GSE1: variants seen among roughly 807,000 people sequenced by gnomAD.
GSE1 encodes Gse1 coiled-coil protein, also known as genetic suppressor element 1.
GSE1 carries 32 observed loss-of-function variants against 112.6 expected under a neutral mutation model. The observed-to-expected ratio is 0.28, with a 90% CI of 0.21 to 0.38. The LOEUF (loss-of-function observed/expected upper bound fraction) is 0.38. Ranked by LOEUF, GSE1 falls within the 10% of genes least tolerant of loss-of-function variation. GSE1 has a pLI of 1.00. For synonymous variants in GSE1, 1,115 were observed against 735.6 expected, an observed-to-expected ratio of 1.52 and a Z score of -8.35; for missense variants, 2,348 against 1,699.2, an observed-to-expected ratio of 1.38 and a Z score of -6.71.
intron 1 of GSE1, among the ~76,000 whole-genome samples, chr16:85,252,034 C>T (rs553124407): frequency 2.6e-5 from 4 of 152,316 alleles, no homozygotes; most frequent in Admixed American, 6.5e-5. Context: ...GATCGGCACA[C>T]GCTAATAGAT....
intron 2 of GSE1, among the ~76,000 whole-genome samples, chr16:85,391,789 G>A (rs2047843891): frequency 6.6e-6 from 1 of 152,030 alleles, no homozygotes. Flanking sequence ...ATGCTTGTGG[G>A]GCCTCACTGG....
At chr16:85,237,394 G>A (rs1344674827) in intron 1 of GSE1, among the ~76,000 whole-genome samples, 1 of 152,184 alleles carries the variant, frequency 6.6e-6, no homozygotes, top group African/African-American at 2.4e-5. Flanking sequence ...TAGAGGAGGT[G>A]TGAGCTGAGC....
chr16:85,429,697 C>T (rs1343265665), intron 2 of GSE1, among the ~76,000 whole-genome samples: 1 of 151,958 alleles, frequency 6.6e-6, no homozygotes, highest in Non-Finnish European at 1.5e-5. Context: ...AGACCTGCCC[C>T]AGGGCCTTTG....
intron 1 of GSE1, among the ~76,000 whole-genome samples, chr16:85,183,717 G>GC (rs1448674473): frequency 6.6e-6 from 1 of 152,204 alleles, no homozygotes; most frequent in East Asian, 1.9e-4. Context: ...CTACGTGGAT[G>GC]CCCCCCTTTA....
chr16:85,322,931 A>G lies in GSE1; in HGVS notation c.2284-34532A>G, dbSNP rs554903539. On this transcript the variant is annotated intron_variant, in intron 1 of 2. Coordinates refer to the GSE1 transcript ENST00000637419. ...ACGCCCAGCCTCCGTTTTGCTTTTG[A>G]GGAAACTGAGGCTCAGACGACTTCG... is the stretch of plus-strand genomic sequence containing the variant. 2.6e-5 allele frequency among the ~76,000 whole-genome samples: 4 copies of G among 152,244 alleles called. No individual in the cohort carries two copies. The South Asian group carries it at 8.3e-4, about 32-fold the overall frequency.
At chr16:85,328,906 G>A (rs2046281807) in intron 1 of GSE1, among the ~76,000 whole-genome samples, 1 of 152,118 alleles carries the variant, frequency 6.6e-6, no homozygotes, top group Non-Finnish European at 1.5e-5. Context: ...CCCTGCCCCC[G>A]CAGCCTGGCA....
Position 85,663,350 on chromosome 16 carries a change from G to C in GSE1, c.2380G>C (p.Glu794Gln), listed in dbSNP as rs755353615. The change falls in exon 11 of 16, where the codon GAG (glutamate) becomes CAG (glutamine). Residue 794 changes from glutamate (E) to glutamine (Q), a missense_variant. Glu to Gln is a conservative substitution (Grantham distance 29, BLOSUM62 2). Coordinates refer to ENST00000253458, the MANE Select transcript of GSE1 (RefSeq NM_014615.5). ...LKLDTSSEKLEFLQLFGLTTQ... is the reference protein window; with the variant it reads ...LKLDTSSEKLQFLQLFGLTTQ... ...GTTTTCTTTCCCAATCTAGAAGCTA[G>C]AGTTTTTGCAACTTTTTGGCTTGAC... 8 of 1,613,822 alleles carry C rather than the reference G, an allele frequency of 5.0e-6. No homozygotes were observed. In the East Asian group the frequency reaches 6.7e-5, roughly 13 times the overall value.
chr16:85,654,202 C>T, intron 3 of GSE1, 76 bp from the exon 4 acceptor site: 3 of 1,375,182 alleles, frequency 2.2e-6, no homozygotes, highest in Non-Finnish European at 3.0e-6. Flanking sequence ...TCCCGTGAGT[C>T]AGGAGACCTG....
At chr16:85,513,910 G>C (rs1291752353) in intron 2 of GSE1, among the ~76,000 whole-genome samples, 1 of 152,126 alleles carries the variant, frequency 6.6e-6, no homozygotes, top group African/African-American at 2.4e-5. Context: ...GATACTCTGG[G>C]TCAGGGCCCC....
At chr16:85,453,787 A>G (rs1402591244) in intron 2 of GSE1, among the ~76,000 whole-genome samples, 1 of 152,176 alleles carries the variant, frequency 6.6e-6, no homozygotes, top group African/African-American at 2.4e-5. Context: ...CACCCCATCC[A>G]GCTCTGGGCG....
intron 2 of GSE1, among the ~76,000 whole-genome samples, chr16:85,549,173 CTCT>C (rs562335555): frequency 4.6e-5 from 7 of 151,058 alleles, no homozygotes; most frequent in Non-Finnish European, 7.4e-5. Context: ...TTTTCTTTTT[CTCT>C]TCTTTTTTTT....
chr16:85,516,984 A>G (rs1598032549), intron 2 of GSE1, among the ~76,000 whole-genome samples: 1 of 151,984 alleles, frequency 6.6e-6, no homozygotes, highest in Admixed American at 6.6e-5. Flanking sequence ...TTTTTAGTAG[A>G]GACGGGGTTT....
chr16:85,643,291 C>G (rs1205985478), intron 2 of GSE1, among the ~76,000 whole-genome samples: 13 of 152,138 alleles, frequency 8.5e-5, no homozygotes, highest in Non-Finnish European at 1.5e-5. Flanking sequence ...CCTTCCTGCT[C>G]CAGCCACGCG....
Position 85,657,340 on chromosome 16 carries a change from C to G in GSE1, c.1376C>G (p.Pro459Arg), listed in dbSNP as rs1436743499. The change falls in exon 8 of 16, where the codon CCC becomes CGC. Residue 459 changes from proline (P) to arginine (R), a missense_variant. Coordinates refer to ENST00000253458, the MANE Select transcript of GSE1 (RefSeq NM_014615.5). ...KPVQHPLHPV[P>R]TPHHTVPSLI... ...GTCCAACACCCCTTGCATCCGGTGC[C>G]CACCCCACACCACACGGTGCCCAGC... is the stretch of plus-strand genomic sequence containing the variant. 6.2e-7 allele frequency: 1 copy of G among 1,609,022 alleles called. No individual in the cohort carries two copies. Among genetic ancestry groups the G allele is most frequent in the East Asian group, 2.2e-5 (1 of 44,548 alleles).
intron 1 of GSE1, among the ~76,000 whole-genome samples, chr16:85,337,372 C>G (rs552253338): frequency 6.8e-6 from 1 of 148,090 alleles, no homozygotes; most frequent in South Asian, 2.1e-4. Context: ...GTGGCGCGAT[C>G]TCGGCTCACT....
chr16:85,420,087 C>G (rs780869845), intron 2 of GSE1, among the ~76,000 whole-genome samples: 1 of 145,966 alleles, frequency 6.9e-6, no homozygotes, highest in Non-Finnish European at 1.5e-5. Flanking sequence ...CTGGCAGACA[C>G]TGAGCAGTGT....
chr16:85,644,043 G>T (rs570063520), intron 2 of GSE1, among the ~76,000 whole-genome samples: 1 of 152,254 alleles, frequency 6.6e-6, no homozygotes. Context: ...AAGTAGGGTG[G>T]TGGGGCAGGC....
intron 14 of GSE1, chr16:85,670,505 T>A (rs2053243152): frequency 6.6e-6 from 1 of 152,220 alleles, no homozygotes; most frequent in Non-Finnish European, 1.5e-5. Context: ...TGTGAGCACT[T>A]TCCCTGTTTT....
intron 1 of GSE1, among the ~76,000 whole-genome samples, chr16:85,181,538 T>A (rs1413653032): frequency 6.6e-6 from 1 of 152,218 alleles, no homozygotes; most frequent in Non-Finnish European, 1.5e-5. Context: ...CTCTCTCGCA[T>A]CAGCTTTCAG....
Sources: allele counts gnomAD v4.1 joint callset (sites outside exome capture counted in the v4.1 genomes callset), GRCh38; gene constraint gnomAD v4.1.1; transcripts MANE v1.5; gene names NCBI Gene and HGNC (gene_info 2026-07-23, HGNC 2026-07-21).